CPS1: variants seen among roughly 807,000 people sequenced by gnomAD.
The protein encoded by CPS1 is carbamoyl-phosphate synthase 1.
CPS1 carries 109 observed loss-of-function variants against 174.6 expected under a neutral mutation model. That is an observed-to-expected ratio of 0.62 (90% CI 0.53 to 0.73). The LOEUF (loss-of-function observed/expected upper bound fraction) is 0.73, where lower values mean the gene tolerates loss of function less well. Ranked by LOEUF, CPS1 falls within the 30% of genes least tolerant of loss-of-function variation. The pLI is 0.00. For synonymous variants in CPS1, 637 were observed against 632.0 expected (o/e 1.01, Z -0.12); for missense variants, 1,689 against 1,821.9 (o/e 0.93, Z 1.33).
In CPS1 at chr2:210,660,604, T is replaced by C; in HGVS notation, c.3876T>C (p.His1292=). 6.2e-7 allele frequency: 1 copy of C among 1,614,152 alleles called. No homozygotes were observed. The highest frequency in any genetic ancestry group is 8.5e-7 in the Non-Finnish European group (1 of 1,179,988). Residue 1292 remains histidine (H), a synonymous_variant, in exon 32 of 38, where the codon CAT becomes CAC. Transcript: ENST00000233072. ...TTGGAGAGAATGTTGATGAGAAACATCTTCCAACATTGGACCATCCCATAA... is the reference window on the plus strand; with the variant it reads ...TTGGAGAGAATGTTGATGAGAAACACCTTCCAACATTGGACCATCCCATAA... ...VMIGENVDEK[H]LPTLDHPIIP...
rs766059704 is a variant in CPS1, at chr2:210,647,944, A to G, written c.3223A>G (p.Ile1075Val). The G allele has an allele frequency of 1.7e-5, 28 of 1,613,938 alleles. No individual in the cohort carries two copies. The highest frequency in any genetic ancestry group is 2.4e-5 in the Non-Finnish European group (28 of 1,179,956). The change falls in exon 26 of 38, where the codon ATC becomes GTC. Residue 1075 changes from isoleucine (I) to valine (V), a missense_variant. Transcript: ENST00000233072. ...TCCTCTATACAAGAATGGTGTCAAG[A>G]TCATGGGCACAAGCCCCCTGCAGAT... ...AVPLYKNGVK[I>V]MGTSPLQIDR...
chr2:210,494,463 A>G (rs1036624733), intron 1 of CPS1, among the ~76,000 whole-genome samples: 4 of 152,210 alleles, frequency 2.6e-5, no homozygotes, highest in Non-Finnish European at 5.9e-5. Flanking sequence ...CAAGGGGAAG[A>G]TAACAGCAAT....
intron 24 of CPS1, among the ~76,000 whole-genome samples, chr2:210,641,366 T>A: frequency 6.6e-6 from 1 of 152,128 alleles, no homozygotes; most frequent in Non-Finnish European, 1.5e-5. Context: ...ACTCAAGCGA[T>A]CCTCCTGCCT....
chr2:210,488,633 G>A (rs1006044338), intron 1 of CPS1, among the ~76,000 whole-genome samples: 6 of 152,174 alleles, frequency 3.9e-5, no homozygotes, highest in African/African-American at 7.2e-5. Context: ...CGCACATTGT[G>A]AGCAGAAATA....
chr2:210,643,272 C>A (rs1001501665), intron 25 of CPS1, among the ~76,000 whole-genome samples: 2 of 152,104 alleles, frequency 1.3e-5, no homozygotes, highest in Non-Finnish European at 2.9e-5. Context: ...ACTGTGAATT[C>A]ATGTGATTGC....
At chr2:210,523,924 T>C (rs756222651) in intron 1 of CPS1, among the ~76,000 whole-genome samples, 53 of 152,094 alleles carry the variant, frequency 3.5e-4, no homozygotes, top group Non-Finnish European at 6.6e-4. Flanking sequence ...GGAGGGTACC[T>C]GAGGTCAAGG....
intron 17 of CPS1, 33 bp from the exon 18 acceptor site, chr2:210,606,698 C>A (rs1559102604): frequency 3.8e-6 from 6 of 1,589,438 alleles, no homozygotes; most frequent in Non-Finnish European, 5.2e-6. Flanking sequence ...TTTCAATATG[C>A]CACCAAGTAA....
Position 210,592,970 on chromosome 2 carries a change from A to T in CPS1, c.1164+14A>T. On this transcript the variant is annotated intron_variant, in intron 11 of 37. Transcript: ENST00000233072. ...ATAGACACTGAGGTACGTCAAAAAG[A>T]TGAGGCCTATTATGTATGCAAAAAA... 2.5e-6 allele frequency: 4 copies of T among 1,607,162 alleles called. No individual in the cohort carries two copies. The highest frequency in any genetic ancestry group is 3.4e-6 in the Non-Finnish European group (4 of 1,174,324).
intron 1 of CPS1, among the ~76,000 whole-genome samples, chr2:210,569,745 G>C (rs1436575336): frequency 6.6e-6 from 1 of 151,906 alleles, no homozygotes; most frequent in Non-Finnish European, 1.5e-5. Context: ...GTCATGATAA[G>C]GTCCTTTATT....
intron 1 of CPS1, among the ~76,000 whole-genome samples, chr2:210,505,242 G>C (rs1695246338): frequency 1.3e-5 from 2 of 151,396 alleles, no homozygotes; most frequent in Non-Finnish European, 3.0e-5. Flanking sequence ...CAACATATAG[G>C]TTGGTGCAAA....
intron 29 of CPS1, 65 bp from the exon 30 acceptor site, chr2:210,656,460 G>GTAGC: frequency 8.8e-7 from 1 of 1,136,394 alleles, no homozygotes; most frequent in Admixed American, 1.7e-5. Flanking sequence ...GGATGAGGGA[G>GTAGC]TAGCTTCCTT....
At chr2:210,623,934 G>T (rs925858871) in intron 21 of CPS1, among the ~76,000 whole-genome samples, 3 of 152,086 alleles carry the variant, frequency 2.0e-5, no homozygotes, top group Non-Finnish European at 4.4e-5. Flanking sequence ...AGAAACAGAA[G>T]GGTCAGTACT....
intron 6 of CPS1, among the ~76,000 whole-genome samples, chr2:210,584,589 A>G (rs1317268067): frequency 6.6e-6 from 1 of 152,110 alleles, no homozygotes; most frequent in Non-Finnish European, 1.5e-5. Flanking sequence ...CAAGGAAAAT[A>G]ATAACAACCA....
intron 1 of CPS1, among the ~76,000 whole-genome samples, chr2:210,527,017 A>G (rs1695990629): frequency 6.6e-6 from 1 of 151,976 alleles, no homozygotes; most frequent in Admixed American, 6.6e-5. Flanking sequence ...ATTAAAAGTA[A>G]TGGCAAAACC....
chr2:210,486,698 C>T (rs371711289), intron 1 of CPS1, among the ~76,000 whole-genome samples: 2 of 152,314 alleles, frequency 1.3e-5, no homozygotes, highest in South Asian at 4.1e-4. Flanking sequence ...CCATTAGAGA[C>T]AGGGTTTCTC....
chr2:210,642,486 A>G lies in CPS1; in HGVS notation c.2962A>G (p.Ser988Gly). Residue 988 changes from serine (S) to glycine (G), a missense_variant and splice_region_variant, in exon 25 of 38, where the codon AGC (serine) becomes GGC (glycine). Coordinates refer to ENST00000233072, the MANE Select transcript of CPS1 (RefSeq NM_001875.5). ...TGCCAATCTCATTGTCTCTGCAGGC[A>G]GCAGTGTGGAATTTGATTGGTGTGC... ...VLGCGPYHIG[S>G]SVEFDWCAVS... is the part of the protein sequence containing the mutation. The G allele has an allele frequency of 6.2e-7, 1 of 1,613,938 alleles. No individual in the cohort carries two copies. The highest frequency in any genetic ancestry group is 1.1e-5 in the South Asian group (1 of 91,072).
At chr2:210,493,003 T>G (rs1210063932) in intron 1 of CPS1, among the ~76,000 whole-genome samples, 1 of 152,180 alleles carries the variant, frequency 6.6e-6, no homozygotes, top group Non-Finnish European at 1.5e-5. Context: ...AATAAAAGTA[T>G]CTATAAGTTC....
At chr2:210,576,715 T>G (rs908718119) in intron 3 of CPS1, among the ~76,000 whole-genome samples, 25 of 152,162 alleles carry the variant, frequency 1.6e-4, no homozygotes, top group African/African-American at 4.8e-4. Context: ...TGGATGAAAC[T>G]TGGCTTAACT....
At chr2:210,556,526 A>G, upstream of CPS1, 1 of 1,443,706 alleles carries the variant, frequency 6.9e-7, no homozygotes, top group Non-Finnish European at 9.3e-7. Context: ...TCTGGACATT[A>G]CCTCAGGAGG....
Sources: gnomAD v4.1 joint callset for allele counts (sites outside exome capture counted in the v4.1 genomes callset) on GRCh38, gnomAD v4.1.1 for gene constraint, MANE v1.5 for transcripts, NCBI Gene and HGNC (gene_info 2026-07-23, HGNC 2026-07-21) for gene names.